Variants in PDGFD observed in about 807,000 individuals in gnomAD.
PDGFD encodes the protein platelet derived growth factor D.
In PDGFD, 30 loss-of-function variants were observed where a neutral mutation model predicts 44.7. That is an observed-to-expected ratio of 0.67 (90% CI 0.50 to 0.91). The LOEUF is 0.91. PDGFD is among the 40% of genes least tolerant of loss of function. PDGFD has a pLI of 0.00. For synonymous variants in PDGFD, 173 were observed against 168.4 expected (o/e 1.03, Z -0.21); for missense variants, 445 against 457.8 (o/e 0.97, Z 0.25).
chr11:103,942,244 C>CTTTT (rs1187271087), intron 5 of PDGFD, among the ~76,000 whole-genome samples: 2 of 152,156 alleles, frequency 1.3e-5, no homozygotes, highest in East Asian at 3.9e-4. Flanking sequence ...CAATGCAAAC[C>CTTTT]AGCCTTTCGA....
intron 1 of PDGFD, among the ~76,000 whole-genome samples, chr11:104,019,007 G>A (rs890152272): frequency 3.3e-5 from 5 of 152,078 alleles, no homozygotes; most frequent in African/African-American, 1.2e-4. Context: ...AATGCAGAGG[G>A]TGTCCTCTGC....
Position 103,909,180 on chromosome 11 carries a change from G to A in PDGFD, c.*514C>T, listed in dbSNP as rs2134295994. On this transcript the variant is annotated 3_prime_UTR_variant, in exon 7 of 7. Transcript: ENST00000393158. ...ATAATCAACTAAGATGTATATGTAAGAAAGCCTCATCTTTTGATTTTTAAT... is the reference window on the plus strand; with the variant it reads ...ATAATCAACTAAGATGTATATGTAAAAAAGCCTCATCTTTTGATTTTTAAT... The A allele has an allele frequency of 6.5e-6, 1 of 152,940 alleles. No homozygotes were observed. The highest frequency in any genetic ancestry group is 3.4e-3 in the Middle Eastern group (1 of 294). The allele number at this position is 152,940 out of a possible 1,614,324, so 9.5% of individuals were successfully genotyped here.
intron 1 of PDGFD, among the ~76,000 whole-genome samples, chr11:104,043,398 TGACTCA>T (rs1860390334): frequency 6.6e-6 from 1 of 152,222 alleles, no homozygotes; most frequent in Admixed American, 6.5e-5. Flanking sequence ...CCCTTTCTGA[TGACTCA>T]GCTTATCAAC....
Position 103,968,061 on chromosome 11 carries a change from G to A in PDGFD, c.511-20337C>T, listed in dbSNP as rs188441252. Among the ~76,000 whole-genome samples, 45 of 152,220 alleles carry A rather than the reference G, an allele frequency of 3.0e-4. No homozygotes were observed. In the East Asian group the frequency reaches 7.9e-3, roughly 27 times the overall value. ...ACGCAACTTCTAGCCTCTGTTTTAC[G>A]TGACGTCTTTCTTGCGTTAACATTG... On this transcript the variant is annotated intron_variant, in intron 3 of 6. Coordinates refer to ENST00000393158, the MANE Select transcript of PDGFD (RefSeq NM_025208.5).
intron 1 of PDGFD, among the ~76,000 whole-genome samples, chr11:104,126,918 G>T (rs913980334): frequency 6.6e-6 from 1 of 151,950 alleles, no homozygotes; most frequent in African/African-American, 2.4e-5. Flanking sequence ...TCTCACAACT[G>T]CACAGGAAGC....
intron 3 of PDGFD, among the ~76,000 whole-genome samples, chr11:103,955,186 A>G (rs1858822278): frequency 1.4e-5 from 1 of 69,330 alleles, no homozygotes; most frequent in Non-Finnish European, 4.0e-5. Context: ...AAAAAAAAAA[A>G]AAAAAAAAAA....
At chr11:104,074,243 C>T (rs1191103183) in intron 1 of PDGFD, among the ~76,000 whole-genome samples, 1 of 152,200 alleles carries the variant, frequency 6.6e-6, no homozygotes, top group East Asian at 1.9e-4. Flanking sequence ...AAAGCCAGCA[C>T]AGATTAGTAG....
intron 3 of PDGFD, among the ~76,000 whole-genome samples, chr11:103,951,586 C>T (rs1858758020): frequency 6.6e-6 from 1 of 152,196 alleles, no homozygotes. Flanking sequence ...ACCTACCTTT[C>T]CCACTACCTC....
chr11:103,940,658 C>T (rs1013322021), intron 5 of PDGFD, among the ~76,000 whole-genome samples: 5 of 152,124 alleles, frequency 3.3e-5, no homozygotes, highest in African/African-American at 9.7e-5. Context: ...TTAAACCTGA[C>T]TTCCCTTGTT....
chr11:103,943,419 C>A (rs753627052), intron 5 of PDGFD, 33 bp downstream of exon 5: 1 of 1,576,168 alleles, frequency 6.3e-7, no homozygotes, highest in East Asian at 2.2e-5. Flanking sequence ...TTTCTATGTG[C>A]TTATGAAGAA....
chr11:104,036,811 C>G (rs772275646), intron 1 of PDGFD: 6 of 1,607,300 alleles, frequency 3.7e-6, no homozygotes, highest in Admixed American at 3.4e-5. Context: ...CCGGCCCGCC[C>G]GGGCCCCCGC....
At chr11:104,094,350 TC>T (rs2134439603) in intron 1 of PDGFD, among the ~76,000 whole-genome samples, 1 of 152,120 alleles carries the variant, frequency 6.6e-6, no homozygotes, top group African/African-American at 2.4e-5. Flanking sequence ...ACCTCTTCTT[TC>T]CTCTTTGCAT....
chr11:103,934,455 C>T (rs1264858774), intron 5 of PDGFD, among the ~76,000 whole-genome samples: 5 of 152,190 alleles, frequency 3.3e-5, no homozygotes, highest in Non-Finnish European at 5.9e-5. Flanking sequence ...AGTTTGATTA[C>T]ATCAGACGTA....
intron 1 of PDGFD, among the ~76,000 whole-genome samples, chr11:104,101,342 T>C (rs887272688): frequency 1.3e-5 from 2 of 151,990 alleles, no homozygotes; most frequent in Non-Finnish European, 2.9e-5. Context: ...TGAGTGAACT[T>C]CCATTGACAA....
chr11:103,947,614 C>T (rs761577089), intron 4 of PDGFD, 48 bp downstream of exon 4: 2 of 1,470,010 alleles, frequency 1.4e-6, no homozygotes, highest in Non-Finnish European at 1.9e-6. Context: ...TTGACCTTAG[C>T]TGTTCCATCC....
At chr11:104,142,372 C>T (rs1041550072) in intron 1 of PDGFD, among the ~76,000 whole-genome samples, 12 of 151,748 alleles carry the variant, frequency 7.9e-5, no homozygotes, top group African/African-American at 2.4e-4. Context: ...ATTTATATAA[C>T]ATATACTCAC....
At chr11:104,106,270 T>A (rs951146173) in intron 1 of PDGFD, among the ~76,000 whole-genome samples, 2 of 152,182 alleles carry the variant, frequency 1.3e-5, no homozygotes, top group Non-Finnish European at 2.9e-5. Flanking sequence ...AAATTCCTCA[T>A]GAACCCACTA....
intron 1 of PDGFD, among the ~76,000 whole-genome samples, chr11:104,162,173 T>C (rs2119939968): frequency 6.6e-6 from 1 of 151,302 alleles, no homozygotes; most frequent in East Asian, 1.9e-4. Context: ...CCTGCTGAGC[T>C]ACATAACTTG....
intron 5 of PDGFD, among the ~76,000 whole-genome samples, chr11:103,927,333 A>AAAAAC (rs1297736604): frequency 3.9e-5 from 6 of 152,188 alleles, no homozygotes; most frequent in Non-Finnish European, 8.8e-5. Context: ...AAATAACAAC[A>AAAAAC]AAAACAAAAC....
Sources: allele counts gnomAD v4.1 joint callset (sites outside exome capture counted in the v4.1 genomes callset), GRCh38; gene constraint gnomAD v4.1.1; transcripts MANE v1.5; gene names NCBI Gene and HGNC (gene_info 2026-07-23, HGNC 2026-07-21).